The following BICDL2 variants were observed in gnomAD, a reference collection of about 807,000 sequenced individuals.
The protein encoded by BICDL2 is BICD family-like cargo adapter 2.
A neutral mutation model predicts 56.6 loss-of-function variants in BICDL2; 62 were observed. That is an observed-to-expected ratio of 1.10 (90% CI 0.89 to 1.35). The LOEUF (loss-of-function observed/expected upper bound fraction) is 1.35. Ranked by LOEUF, BICDL2 falls within the 40% of genes most tolerant of loss-of-function variation. BICDL2 has a pLI of 0.00. For synonymous variants in BICDL2, 358 were observed against 319.8 expected (o/e 1.12, Z -1.27); for missense variants, 808 against 684.5 (o/e 1.18, Z -2.01).
At chr16:3,029,523 G>A (rs767190427) in intron 6 of BICDL2, 22 bp downstream of exon 6, 1 of 1,560,542 alleles carries the variant, frequency 6.4e-7, no homozygotes, top group Non-Finnish European at 8.6e-7. Context: ...CAGGTAAGGG[G>A]GCTGGGGCCC....
chr16:3,029,707 C>T lies in BICDL2; in HGVS notation c.795G>A (p.Ala265=). The change falls in exon 6 of 10, where the codon GCG becomes GCA. Residue 265 remains alanine, a synonymous_variant. Transcript: ENST00000572449. Reference sequence around the variant, plus strand: ...GCTGCAGCCTCCGCAGCGCACTCAGCGCCTCCCCAGCCTCTGACCGTGCGC... The same window carrying T: ...GCTGCAGCCTCCGCAGCGCACTCAGTGCCTCCCCAGCCTCTGACCGTGCGC... ...LERARSEAGE[A]LSALRRLQRR... The T allele has an allele frequency of 6.5e-7, 1 of 1,540,084 alleles. No homozygotes were observed. Among genetic ancestry groups the T allele is most frequent in the African/African-American group, 1.4e-5 (1 of 73,060 alleles).
chr16:3,029,463 G>T, intron 6 of BICDL2, 34 bp from the exon 7 acceptor site: 1 of 1,590,948 alleles, frequency 6.3e-7, no homozygotes. Context: ...GTGGTGTGGA[G>T]TTTATTGGGG....
Position 3,035,330 on chromosome 16 carries a change from T to C in BICDL2, c.167A>G (p.Gln56Arg), listed in dbSNP as rs371470032. ...EPEDLALQLQ[Q>R]KEKDLLLAAE... is the part of the protein sequence containing the mutation. ...GGCCAACAGCAGGTCTTTCTCCTTC[T>C]GCTGCAGCTGCAAGGCTAGGTCCTC... The change falls in exon 2 of 10, where the codon CAG becomes CGG. Residue 56 changes from glutamine to arginine, a missense_variant. Gln to Arg is a conservative substitution (Grantham distance 43). Coordinates refer to ENST00000572449, the MANE Select transcript of BICDL2 (RefSeq NM_001369667.1). 1.5e-5 allele frequency: 24 copies of C among 1,589,726 alleles called. No homozygotes were observed. The highest frequency in any genetic ancestry group is 2.1e-5 in the Non-Finnish European group (24 of 1,168,564).
At chr16:3,034,687 TCCTTCC>T (rs2151145035) in intron 2 of BICDL2, among the ~76,000 whole-genome samples, 1 of 133,522 alleles carries the variant, frequency 7.5e-6, no homozygotes, top group South Asian at 2.4e-4. Flanking sequence ...CTTCCTTCCT[TCCTTCC>T]CCTTCCTTCC....
intron 1 of BICDL2, chr16:3,036,136 AAGGATTCCCACCCC>A (rs1955730381): frequency 1.8e-5 from 7 of 398,080 alleles, no homozygotes; most frequent in South Asian, 1.3e-4. Flanking sequence ...GTCCCCCACC[AAGGATTCCCACCCC>A]AGTCCCCATT....
chr16:3,031,317 A>G (rs11862977), intron 2 of BICDL2, 167 bp from the exon 3 acceptor site: 149,399 of 624,482 alleles, frequency 0.24, 18,804 homozygotes, highest in Admixed American at 0.33. Flanking sequence ...AGCGTGAGCA[A>G]GACCCAGAGA....
chr16:3,032,780 CG>C (rs1352359222), intron 2 of BICDL2: 1 of 152,018 alleles, frequency 6.6e-6, no homozygotes, highest in Non-Finnish European at 1.5e-5. Flanking sequence ...CCCTCATTGT[CG>C]GGGAGAGGGT....
At chr16:3,028,647 G>C (rs1240483021) in intron 8 of BICDL2, 53 bp downstream of exon 8, 3 of 1,543,238 alleles carry the variant, frequency 1.9e-6, no homozygotes, top group Non-Finnish European at 2.6e-6. Context: ...GGAATCAGGA[G>C]CCCAGGAGGG....
chr16:3,035,010 C>T (rs147369425), intron 2 of BICDL2: 37 of 593,352 alleles, frequency 6.2e-5, no homozygotes, highest in African/African-American at 5.6e-4. Flanking sequence ...GTGCCCGGCA[C>T]CCAGAGTTCA....
intron 2 of BICDL2, 127 bp downstream of exon 2, chr16:3,035,088 C>A (rs1596485184): frequency 2.0e-6 from 2 of 985,110 alleles, no homozygotes; most frequent in African/African-American, 3.3e-5. Context: ...CAAAGTGCCC[C>A]CCTCGCCCGG....
Position 3,031,107 on chromosome 16 carries a change from G to A in BICDL2, c.326C>T (p.Ala109Val), listed in dbSNP as rs1463532358. The A allele has an allele frequency of 4.6e-6, 7 of 1,536,186 alleles. No homozygotes were observed. The highest frequency in any genetic ancestry group is 1.4e-5 in the African/African-American group (1 of 73,158). ...ENHELRRGLAARGAEWEARAV... is the reference protein window; with the variant it reads ...ENHELRRGLAVRGAEWEARAV... ...CCGGGCCTCCCACTCGGCTCCTCGG[G>A]CTGCCAGGCCTCGCCGGAGCTCATG... Residue 109 changes from alanine (A) to valine (V), a missense_variant, in exon 3 of 10, where the codon GCC becomes GTC. Coordinates refer to ENST00000572449, the MANE Select transcript of BICDL2 (RefSeq NM_001369667.1).
rs937350977 is a variant in BICDL2 at position 3,028,440 on chromosome 16, G to C, written c.1267C>G (p.Arg423Gly). ...AGGGAGTCTCGCTCCAGCGAGACGCGGTTGAGCTGCAGGGACAGCTCCAGG... is the reference window on the plus strand; with the variant it reads ...AGGGAGTCTCGCTCCAGCGAGACGCCGTTGAGCTGCAGGGACAGCTCCAGG... ...KALELSLQLNRVSLERDSLSR... is the reference protein window; with the variant it reads ...KALELSLQLNGVSLERDSLSR... Residue 423 changes from arginine (R) to glycine (G), a missense_variant, in exon 9 of 10, where the codon CGC becomes GGC. Arg to Gly is a moderately radical substitution (Grantham distance 125, BLOSUM62 -2). Transcript: ENST00000572449. 3 of 1,566,006 alleles carry C rather than the reference G, an allele frequency of 1.9e-6. No homozygotes were observed. Among genetic ancestry groups the C allele is most frequent in the African/African-American group, 2.7e-5 (2 of 74,182 alleles).
chr16:3,034,589 A>G (rs1955701230), intron 2 of BICDL2, among the ~76,000 whole-genome samples: 1 of 151,348 alleles, frequency 6.6e-6, no homozygotes, highest in Non-Finnish European at 1.5e-5. Flanking sequence ...GCCTGAATCC[A>G]GGTCTTAATC....
rs771772879 is a variant in BICDL2 at position 3,028,826 on chromosome 16, G to A, written c.1112C>T (p.Ser371Leu). ...VEVAKLQDEI[S>L]LQQAELQSLR... ...GGACTGCAGCTCTGCCTGCTGCAGCGAGATCTGTGAGCAGAGGAGGGGGGC... is the reference window on the plus strand; with the variant it reads ...GGACTGCAGCTCTGCCTGCTGCAGCAAGATCTGTGAGCAGAGGAGGGGGGC... Residue 371 changes from serine (S) to leucine (L), a missense_variant, in exon 8 of 10, where the codon TCG becomes TTG. Physicochemically the swap from Ser to Leu is moderately radical, Grantham distance 145. Transcript: ENST00000572449. 14 of 1,547,658 alleles carry A rather than the reference G, an allele frequency of 9.0e-6. No individual in the cohort carries two copies. The highest frequency in any genetic ancestry group is 2.7e-5 in the African/African-American group (2 of 73,304).
chr16:3,028,449 G>T lies in BICDL2; in HGVS notation c.1258C>A (p.Gln420Lys). The part of the protein sequence containing the change: ...AVNKALELSL[Q>K]LNRVSLERDS... ...CGCTCCAGCGAGACGCGGTTGAGCTGCAGGGACAGCTCCAGGGCCCTAGGC... is the reference window on the plus strand; with the variant it reads ...CGCTCCAGCGAGACGCGGTTGAGCTTCAGGGACAGCTCCAGGGCCCTAGGC... Residue 420 changes from glutamine (Q) to lysine (K), a missense_variant, in exon 9 of 10, where the codon CAG becomes AAG. Coordinates refer to ENST00000572449, the MANE Select transcript of BICDL2 (RefSeq NM_001369667.1). The T allele has an allele frequency of 6.4e-7, 1 of 1,568,908 alleles. No individual in the cohort carries two copies. The highest frequency in any genetic ancestry group is 2.3e-5 in the East Asian group (1 of 43,208).
At chr16:3,032,842 A>C (rs1334061919) in intron 2 of BICDL2, 1 of 152,260 alleles carries the variant, frequency 6.6e-6, no homozygotes, top group African/African-American at 2.4e-5. Flanking sequence ...TGCTGCTGTG[A>C]TGAGGTCGGG....
rs2072840293 is a variant in BICDL2, at chr16:3,027,724, T to C, written c.*382A>G. 7.0e-7 allele frequency: 1 copy of C among 1,432,440 alleles called. No homozygotes were observed. The highest frequency in any genetic ancestry group is 1.3e-5 in the South Asian group (1 of 76,352). The allele number at this position is 1,432,440 out of a possible 1,614,324, so 88.7% of individuals were successfully genotyped here. On this transcript the variant is annotated 3_prime_UTR_variant, in exon 10 of 10. Transcript: ENST00000572449. ...TTTTCATTTTCTTTTTTTTTTTTTT[T>C]TTACAATAAAGTTTCAGGCTTTTTT...
chr16:3,036,192 C>G (rs1955730951), intron 1 of BICDL2: 2 of 431,680 alleles, frequency 4.6e-6, no homozygotes, highest in Non-Finnish European at 4.6e-6. Flanking sequence ...ATGCCCCCAC[C>G]CCTCCGGACT....
chr16:3,027,927 C>T lies in BICDL2; in HGVS notation c.*179G>A. 1.0e-6 allele frequency: 1 copy of T among 995,988 alleles called. No individual in the cohort carries two copies. The highest frequency in any genetic ancestry group is 1.4e-6 in the Non-Finnish European group (1 of 719,464). 61.7% of individuals were successfully genotyped at this position (995,988 alleles called of 1,614,324 possible). A position where few individuals can be genotyped will look rare whatever the true frequency, so the allele number is the denominator to read the frequency against. The stretch of plus-strand genomic sequence containing the variant: ...CCTGCCACCCACCTGGAGCTCCTGC[C>T]CCACAAAGCTGGCCCCTGCTCCGGA... On this transcript the variant is annotated 3_prime_UTR_variant, in exon 10 of 10. Coordinates refer to ENST00000572449, the MANE Select transcript of BICDL2 (RefSeq NM_001369667.1).
Sources: gnomAD v4.1 joint callset for allele counts (sites outside exome capture counted in the v4.1 genomes callset) on GRCh38, gnomAD v4.1.1 for gene constraint, MANE v1.5 for transcripts, NCBI Gene and HGNC (gene_info 2026-07-23, HGNC 2026-07-21) for gene names.